COL4A3: variants seen among roughly 807,000 people sequenced by gnomAD.
COL4A3 encodes the protein collagen type IV alpha 3 chain.
COL4A3 carries 135 observed loss-of-function variants against 217.4 expected under a neutral mutation model. The ratio of observed to expected loss-of-function variants is 0.62; its 90% CI spans 0.54 to 0.72. The LOEUF is 0.72. Among genes scored for constraint, COL4A3 ranks in the 30% least tolerant of loss-of-function variants. COL4A3 has a pLI of 0.00. For missense variants in COL4A3, 1,868 were observed against 2,119.9 expected (o/e 0.88, Z 2.33); for synonymous variants, 690 against 736.3 (o/e 0.94, Z 1.02).
chr2:227,202,394 C>T (rs1194492204), intron 1 of COL4A3, among the ~76,000 whole-genome samples: 4 of 152,036 alleles, frequency 2.6e-5, no homozygotes, highest in Non-Finnish European at 5.9e-5. Flanking sequence ...TTTTAGTATC[C>T]AAAGTTTACT....
Position 227,185,578 on chromosome 2 carries a change from AT to A in COL4A3, c.87+20768del, listed in dbSNP as rs140175999. Among the ~76,000 whole-genome samples the A allele has an allele frequency of 5.4e-4, 82 of 152,330 alleles. 1 individual carries two copies. In the East Asian group the frequency reaches 0.014, roughly 27 times the overall value. On this transcript the variant is annotated intron_variant, in intron 1 of 51. Transcript: ENST00000396578. ...CATATATAAAGAGAATATCTATTTA[AT>A]TTGTTATATAGTCCACTGATTTTCC...
intron 1 of COL4A3, among the ~76,000 whole-genome samples, chr2:227,218,068 CTATATATATAGCTATATATATATA>C (rs946954566): frequency 4.4e-5 from 3 of 67,692 alleles, no homozygotes; most frequent in South Asian, 1.4e-3. Flanking sequence ...TATAAAATAA[CTATATATATAGCTATATATATATA>C]TATATATATA....
chr2:227,167,402 A>G (rs2065317817), intron 1 of COL4A3, among the ~76,000 whole-genome samples: 1 of 152,242 alleles, frequency 6.6e-6, no homozygotes, highest in Non-Finnish European at 1.5e-5. Flanking sequence ...TGCCCAGCGC[A>G]TCCCCAGGTT....
intron 28 of COL4A3, 118 bp from the exon 29 acceptor site, chr2:227,279,672 TTTA>T (rs2071820498): frequency 5.8e-6 from 4 of 694,184 alleles, no homozygotes; most frequent in Non-Finnish European, 9.6e-6. Context: ...ATCAGTTGGT[TTTA>T]TTATCATTTA....
intron 1 of COL4A3, among the ~76,000 whole-genome samples, chr2:227,190,454 A>G (rs1468822409): frequency 2.0e-5 from 3 of 152,224 alleles, no homozygotes; most frequent in Non-Finnish European, 4.4e-5. Flanking sequence ...TACAGTCTGA[A>G]GCAAACACAT....
intron 20 of COL4A3, among the ~76,000 whole-genome samples, chr2:227,261,374 A>C (rs1017731773): frequency 2.0e-5 from 3 of 152,162 alleles, no homozygotes; most frequent in Non-Finnish European, 4.4e-5. Context: ...AAAATACAAA[A>C]AAATTAGCTG....
At chr2:227,307,418 C>T (rs1183430019) in intron 47 of COL4A3, among the ~76,000 whole-genome samples, 1 of 152,092 alleles carries the variant, frequency 6.6e-6, no homozygotes, top group African/African-American at 2.4e-5. Context: ...TACATAAGAC[C>T]TACCAGATGC....
rs1394108011 is a variant in COL4A3, at chr2:227,280,422, A to G, written c.2224-18A>G. ...TTTGGAAGCACTATATAGTAATAACACAATTTCTATGCTGTAGGGAGAACC... is the reference window on the plus strand; with the variant it reads ...TTTGGAAGCACTATATAGTAATAACGCAATTTCTATGCTGTAGGGAGAACC... On this transcript the variant is annotated intron_variant, in intron 29 of 51. Coordinates refer to ENST00000396578, the MANE Select transcript of COL4A3 (RefSeq NM_000091.5). The G allele has an allele frequency of 6.2e-7, 1 of 1,613,740 alleles. No individual in the cohort carries two copies. Among genetic ancestry groups the G allele is most frequent in the East Asian group, 2.2e-5 (1 of 44,878 alleles).
At chr2:227,192,493 G>GCTGT (rs2066282857) in intron 1 of COL4A3, among the ~76,000 whole-genome samples, 1 of 151,936 alleles carries the variant, frequency 6.6e-6, no homozygotes, top group Non-Finnish European at 1.5e-5. Context: ...ATCAAATGAT[G>GCTGT]CTGTATACAT....
intron 1 of COL4A3, among the ~76,000 whole-genome samples, chr2:227,168,623 T>G (rs958809781): frequency 2.0e-5 from 3 of 152,198 alleles, no homozygotes; most frequent in African/African-American, 7.2e-5. Flanking sequence ...ATAATACTGT[T>G]TTCACTATAA....
chr2:227,255,553 C>T (rs1332494241), intron 15 of COL4A3, among the ~76,000 whole-genome samples: 1 of 152,076 alleles, frequency 6.6e-6, no homozygotes, highest in Non-Finnish European at 1.5e-5. Context: ...ATCCAAACTG[C>T]CGGTTGAGAT....
chr2:227,225,683 C>A (rs1423847708), intron 1 of COL4A3, among the ~76,000 whole-genome samples: 2 of 149,882 alleles, frequency 1.3e-5, no homozygotes, highest in South Asian at 2.1e-4. Context: ...ATCAAGTTCC[C>A]ATGTTAAGGG....
chr2:227,209,029 G>C (rs1046838487), intron 1 of COL4A3, among the ~76,000 whole-genome samples: 2 of 152,190 alleles, frequency 1.3e-5, no homozygotes, highest in Admixed American at 6.5e-5. Context: ...CAGAAGGAAA[G>C]GGAAGCATTA....
At chr2:227,216,209 A>C (rs539106658) in intron 1 of COL4A3, among the ~76,000 whole-genome samples, 1 of 152,356 alleles carries the variant, frequency 6.6e-6, no homozygotes, top group Admixed American at 6.5e-5. Context: ...AAAAATGGTT[A>C]AGAAGGTAAA....
rs1175896414 is a variant in COL4A3, at chr2:227,191,649, G to A, written c.87+26836G>A. Among the ~76,000 whole-genome samples the A allele has an allele frequency of 1.3e-5, 2 of 152,166 alleles. No individual in the cohort carries two copies. The highest frequency in any genetic ancestry group is 2.9e-5 in the Non-Finnish European group (2 of 68,022). ...ACTCATCTTGGAGACAGATGTAGCT[G>A]AAGTTTTACATTATGGCCTGCAAGA... On this transcript the variant is annotated intron_variant, in intron 1 of 51. Coordinates refer to ENST00000396578, the MANE Select transcript of COL4A3 (RefSeq NM_000091.5). The surrounding 1 kb of genome is among the most constrained non-coding windows in gnomAD (Gnocchi z 6.8).
chr2:227,260,940 A>G, intron 19 of COL4A3, 142 bp from the exon 20 acceptor site: 1 of 676,018 alleles, frequency 1.5e-6, no homozygotes, highest in African/African-American at 1.8e-5. Flanking sequence ...AAAATTTCTG[A>G]TATTTGTCTA....
chr2:227,229,114 T>A (rs1375576881), intron 1 of COL4A3, among the ~76,000 whole-genome samples: 1 of 152,118 alleles, frequency 6.6e-6, no homozygotes, highest in Non-Finnish European at 1.5e-5. Flanking sequence ...CCTGTACCAC[T>A]TTGCCTCATA....
intron 8 of COL4A3, chr2:227,248,187 G>A (rs368462026): frequency 1.7e-5 from 7 of 400,270 alleles, no homozygotes; most frequent in African/African-American, 4.1e-5. Context: ...TGATCTGCCC[G>A]TTTTGATCTC....
At chr2:227,187,156 A>G (rs1424671782) in intron 1 of COL4A3, among the ~76,000 whole-genome samples, 1 of 152,216 alleles carries the variant, frequency 6.6e-6, no homozygotes, top group Non-Finnish European at 1.5e-5. Context: ...TGTCTTTAAA[A>G]GTTTAAAGCA....
Sources: gnomAD v4.1 joint callset for allele counts (sites outside exome capture counted in the v4.1 genomes callset) on GRCh38, gnomAD v4.1.1 for gene constraint, Gnocchi (gnomAD v3.1) non-coding constraint, MANE v1.5 for transcripts, NCBI Gene and HGNC (gene_info 2026-07-23, HGNC 2026-07-21) for gene names.